The following FRY variants were observed in gnomAD, a reference collection of about 807,000 sequenced individuals.
FRY encodes protein furry homolog.
Under a neutral mutation model 348.4 loss-of-function variants are expected in FRY, and 128 were observed. The observed-to-expected ratio is 0.37, with a 90% confidence interval of 0.32 to 0.43. The LOEUF (loss-of-function observed/expected upper bound fraction) is 0.43, where lower values mean the gene tolerates loss of function less well. Among genes scored for constraint, FRY ranks in the 20% least tolerant of loss-of-function variants. The probability of loss-of-function intolerance (pLI) is 1.00; values close to 1 mark genes in which losing one functional copy is unlikely to be tolerated. For synonymous variants in FRY, 1,370 were observed against 1,374.7 expected (o/e 1.00, Z 0.08); for missense variants, 2,736 against 3,695.2 (o/e 0.74, Z 6.73).
chr13:32,259,850 A>G (rs1382648553), intron 51 of FRY, among the ~76,000 whole-genome samples: 1 of 152,058 alleles, frequency 6.6e-6, no homozygotes, highest in Non-Finnish European at 1.5e-5. Flanking sequence ...GCCATTTTCT[A>G]CCAAAAAAAA....
At chr13:32,143,302 A>G (rs1880199978) in intron 11 of FRY, among the ~76,000 whole-genome samples, 1 of 152,232 alleles carries the variant, frequency 6.6e-6, no homozygotes, top group South Asian at 2.1e-4. Context: ...GGCAGTTGCA[A>G]TGATCTGATA....
At position 32,178,923 on chromosome 13, in the gene FRY, C is replaced by A. The variant is rs758203403; in HGVS notation, c.2761C>A (p.Leu921Ile). 4 of 1,613,472 alleles carry A rather than the reference C, an allele frequency of 2.5e-6. No individual in the cohort carries two copies. The East Asian group carries it at 6.7e-5, about 27-fold the overall frequency. The change falls in exon 22 of 61, where the codon CTT becomes ATT. Residue 921 changes from leucine (L) to isoleucine (I), a missense_variant. Leu to Ile is a conservative substitution (Grantham distance 5). This residue lies in a region of FRY where 449 missense variants were observed against 576.9 expected (regional missense o/e 0.78). Transcript: ENST00000542859. ...TACTTTGTGGAGAAATTACCTAATTCTTTGTTTTGGAGTTGCAAAACCCAG... is the reference window on the plus strand; with the variant it reads ...TACTTTGTGGAGAAATTACCTAATTATTTGTTTTGGAGTTGCAAAACCCAG... ...YVTLWRNYLILCFGVAKPSIM... is the reference protein window; with the variant it reads ...YVTLWRNYLIICFGVAKPSIM...
At chr13:32,147,114 C>T (rs1001537731) in intron 11 of FRY, among the ~76,000 whole-genome samples, 168 bp from the exon 12 acceptor site, 1 of 152,128 alleles carries the variant, frequency 6.6e-6, no homozygotes, top group Non-Finnish European at 1.5e-5. Context: ...ATCCTATGAG[C>T]ATTGAGAGGC....
At chr13:32,064,464 T>C (rs571703923) in intron 1 of FRY, among the ~76,000 whole-genome samples, 32 of 151,830 alleles carry the variant, frequency 2.1e-4, no homozygotes, top group Non-Finnish European at 4.1e-4. Context: ...GCAATTATAG[T>C]CCTGTGTGTT....
chr13:32,032,264 T>G (rs1258631642), intron 1 of FRY, among the ~76,000 whole-genome samples: 2 of 152,206 alleles, frequency 1.3e-5, no homozygotes, highest in Non-Finnish European at 2.9e-5. Flanking sequence ...AAATATTTTG[T>G]GAAGTGTGAT....
rs9533779 is a variant in FRY, at chr13:32,180,531, G to T, written c.2996+732G>T. Among the ~76,000 whole-genome samples, 840 of 152,130 alleles carry T rather than the reference G, an allele frequency of 5.5e-3. 2 individuals carry two copies. The highest frequency in any genetic ancestry group is 8.8e-3 in the Non-Finnish European group (600 of 67,968). Reference sequence around the variant, plus strand: ...ATTACAGGCGTGAGCCACCATGCCCGGCTTCATTGATCTTTCTATAGGGCA... The same window carrying T: ...ATTACAGGCGTGAGCCACCATGCCCTGCTTCATTGATCTTTCTATAGGGCA... On this transcript the variant is annotated intron_variant, in intron 23 of 60. Coordinates refer to ENST00000542859, the MANE Select transcript of FRY (RefSeq NM_023037.3).
In FRY at chr13:32,297,784, G is replaced by A. The variant is rs975341062; in HGVS notation, c.*2324G>A. 1 of 152,144 alleles carries A rather than the reference G, an allele frequency of 6.6e-6. No individual in the cohort carries two copies. The highest frequency in any genetic ancestry group is 2.4e-5 in the African/African-American group (1 of 41,412). 9.4% of individuals were successfully genotyped at this position (152,144 alleles called of 1,614,324 possible). A position where few individuals can be genotyped will look rare whatever the true frequency, so the allele number is the denominator to read the frequency against. On this transcript the variant is annotated 3_prime_UTR_variant, in exon 61 of 61. Transcript: ENST00000542859. ...GTGCCTCTGTTACAGAAGCATTAAT[G>A]TTAATTGCCTTCCCCAGGGATACAA...
At position 32,047,037 on chromosome 13, in the gene FRY, A is replaced by G. The variant is rs564461103; in HGVS notation, c.70+15172A>G. Among the ~76,000 whole-genome samples the G allele has an allele frequency of 2.6e-5, 4 of 152,332 alleles. No individual in the cohort carries two copies. In the South Asian group the frequency reaches 8.3e-4, roughly 32 times the overall value. The stretch of plus-strand genomic sequence containing the variant: ...TCTACCTGATGTGTATGAGCTGTAT[A>G]TGGGTATATATGTATATATAGAGAG... On this transcript the variant is annotated intron_variant, in intron 1 of 60. Transcript: ENST00000542859.
intron 1 of FRY, among the ~76,000 whole-genome samples, chr13:32,048,628 T>G: frequency 1.3e-5 from 2 of 152,326 alleles, no homozygotes; most frequent in Non-Finnish European, 2.9e-5. Context: ...TAACTTACTT[T>G]TATACCTTCT....
chr13:32,254,595 G>C (rs78899952), intron 51 of FRY, among the ~76,000 whole-genome samples: 1 of 151,986 alleles, frequency 6.6e-6, no homozygotes, highest in African/African-American at 2.4e-5. Context: ...CTGAGCCCAC[G>C]GCAAAAGCTG....
Position 32,227,702 on chromosome 13 carries a change from A to G in FRY, c.5207-754A>G, listed in dbSNP as rs973163093. The stretch of plus-strand genomic sequence containing the variant: ...TACTCAAAAATATTATGTAAAAGTA[A>G]CCAGCCATTAAGTGACTGGTATCCT... On this transcript the variant is annotated intron_variant, in intron 39 of 60. Coordinates refer to ENST00000542859, the MANE Select transcript of FRY (RefSeq NM_023037.3). Among the ~76,000 whole-genome samples, 3 of 152,176 alleles carry G rather than the reference A, an allele frequency of 2.0e-5. No homozygotes were observed. The East Asian group carries it at 5.8e-4, about 29-fold the overall frequency.
chr13:32,183,548 C>T (rs920360529), intron 24 of FRY, among the ~76,000 whole-genome samples: 6 of 151,860 alleles, frequency 4.0e-5, no homozygotes, highest in African/African-American at 1.5e-4. Flanking sequence ...GAGGCCAAAG[C>T]GGGCAGATCA....
chr13:32,057,181 T>A (rs1341232749), intron 1 of FRY, among the ~76,000 whole-genome samples: 1 of 152,032 alleles, frequency 6.6e-6, no homozygotes, highest in East Asian at 1.9e-4. Flanking sequence ...ATTTTTTATT[T>A]TTTTTTTAAG....
At chr13:32,250,347 G>A (rs1259757680) in intron 49 of FRY, among the ~76,000 whole-genome samples, 1 of 152,182 alleles carries the variant, frequency 6.6e-6, no homozygotes, top group Admixed American at 6.5e-5. Flanking sequence ...ACTCATCTTG[G>A]CTTCAAGCAC....
At chr13:32,240,901 G>C (rs1886464913) in intron 46 of FRY, among the ~76,000 whole-genome samples, 1 of 152,168 alleles carries the variant, frequency 6.6e-6, no homozygotes, top group Admixed American at 6.5e-5. Flanking sequence ...CATCTACCTA[G>C]CAGAGGAGAG....
At position 32,247,234 on chromosome 13, in the gene FRY, G is replaced by A; in HGVS notation, c.6829-89G>A. On this transcript the variant is annotated intron_variant, in intron 47 of 60. Transcript: ENST00000542859. The stretch of plus-strand genomic sequence containing the variant: ...GTTTTAAGTCAGTGAATTCTGACTG[G>A]TCACTAGCTTCTCACTGGTCATTCT... 3.8e-6 allele frequency: 4 copies of A among 1,057,710 alleles called. No homozygotes were observed. The South Asian group carries it at 5.3e-5, about 14-fold the overall frequency. 65.5% of individuals were successfully genotyped at this position (1,057,710 alleles called of 1,614,324 possible).
At chr13:32,164,978 A>G (rs1881652158) in intron 17 of FRY, among the ~76,000 whole-genome samples, 1 of 152,212 alleles carries the variant, frequency 6.6e-6, no homozygotes, top group Non-Finnish European at 1.5e-5. Flanking sequence ...CTCTCAGCAA[A>G]TGTTAGTTTA....
chr13:32,170,771 G>C (rs914878630), intron 17 of FRY, among the ~76,000 whole-genome samples: 6 of 152,074 alleles, frequency 3.9e-5, no homozygotes, highest in Admixed American at 1.3e-4. Context: ...TCCTGAACTC[G>C]GGCAATCCAC....
At chr13:32,067,333 A>T (rs767840619) in intron 1 of FRY, among the ~76,000 whole-genome samples, 11 of 151,792 alleles carry the variant, frequency 7.2e-5, no homozygotes, top group Non-Finnish European at 1.2e-4. Flanking sequence ...GGTTAGACAC[A>T]AGTCAGACTT....
Sources: gnomAD v4.1 joint callset for allele counts (sites outside exome capture counted in the v4.1 genomes callset) on GRCh38, gnomAD v4.1.1 for gene constraint, gnomAD v4.1.1 regional missense constraint, MANE v1.5 for transcripts, NCBI Gene and HGNC (gene_info 2026-07-23, HGNC 2026-07-21) for gene names.